PRKG1: variants seen among roughly 807,000 people sequenced by gnomAD.
The protein encoded by PRKG1 is protein kinase cGMP-dependent 1.
PRKG1 carries 35 observed loss-of-function variants against 88.1 expected under a neutral mutation model. The ratio of observed to expected loss-of-function variants is 0.40; its 90% CI spans 0.30 to 0.53. The LOEUF is 0.53. Ranked by LOEUF, PRKG1 falls within the 20% of genes least tolerant of loss-of-function variation. The probability of loss-of-function intolerance (pLI) is 0.59; values close to 1 mark genes in which losing one functional copy is unlikely to be tolerated. For synonymous variants in PRKG1, 303 were observed against 292.5 expected (o/e 1.04, Z -0.37); for missense variants, 540 against 839.8 (o/e 0.64, Z 4.41).
At chr10:51,189,439 A>G (rs1387956205) in intron 2 of PRKG1, among the ~76,000 whole-genome samples, 3 of 151,908 alleles carry the variant, frequency 2.0e-5, no homozygotes, top group Non-Finnish European at 4.4e-5. Flanking sequence ...ATTTTGCTTT[A>G]TGGTACTACA....
At chr10:52,072,017 G>A (rs1846507848) in intron 7 of PRKG1, among the ~76,000 whole-genome samples, 1 of 152,008 alleles carries the variant, frequency 6.6e-6, no homozygotes, top group African/African-American at 2.4e-5. Flanking sequence ...GAAGGACTCA[G>A]TCCCAGTCGC....
chr10:52,153,087 G>A (rs376072369), intron 8 of PRKG1, among the ~76,000 whole-genome samples: 9 of 152,282 alleles, frequency 5.9e-5, no homozygotes, highest in African/African-American at 2.2e-4. Context: ...GAGAGAGAAA[G>A]TGAGTGGTCT....
At chr10:51,547,043 G>A (rs1842458782) in intron 3 of PRKG1, among the ~76,000 whole-genome samples, 2 of 49,860 alleles carry the variant, frequency 4.0e-5, no homozygotes, top group Non-Finnish European at 1.2e-4. Context: ...TAGATATGTA[G>A]GTGTTGGCCT....
chr10:51,978,436 C>CTTTTT (rs34946662), intron 5 of PRKG1, among the ~76,000 whole-genome samples: 2 of 134,326 alleles, frequency 1.5e-5, no homozygotes, highest in African/African-American at 5.5e-5. Flanking sequence ...CATTCGGGCT[C>CTTTTT]TTTTTTTTTT....
chr10:51,072,653 GTC>G (rs771845603), upstream of PRKG1, among the ~76,000 whole-genome samples: 1 of 152,100 alleles, frequency 6.6e-6, no homozygotes, highest in Non-Finnish European at 1.5e-5. Context: ...ACTTCTGAAA[GTC>G]TGTGTTGGAA....
Position 52,298,040 on chromosome 10 carries a change from A to C in PRKG1, c.*4140A>C, listed in dbSNP as rs1842415839. On this transcript the variant is annotated 3_prime_UTR_variant, in exon 18 of 18. Coordinates refer to ENST00000373980, the MANE Select transcript of PRKG1 (RefSeq NM_006258.4). Reference sequence around the variant, plus strand: ...TTTCTGAGTAAAGGGACATTTCTTTAAGCATCATCTATCAAATTTATTTCA... The same window carrying C: ...TTTCTGAGTAAAGGGACATTTCTTTCAGCATCATCTATCAAATTTATTTCA... The C allele has an allele frequency of 6.6e-6, 1 of 152,098 alleles. No individual in the cohort carries two copies. Among genetic ancestry groups the C allele is most frequent in the Admixed American group, 6.6e-5 (1 of 15,246 alleles). The allele number at this position is 152,098 out of a possible 1,614,324, so 9.4% of individuals were successfully genotyped here. A position where few individuals can be genotyped will look rare whatever the true frequency, so the allele number is the denominator to read the frequency against.
At chr10:51,414,618 AT>A (rs886474578) in intron 2 of PRKG1, among the ~76,000 whole-genome samples, 27 of 152,192 alleles carry the variant, frequency 1.8e-4, no homozygotes, top group African/African-American at 6.5e-4. Flanking sequence ...TACATAAATT[AT>A]GTGGTTACAA....
chr10:51,388,461 T>G (rs1837308946), intron 2 of PRKG1, among the ~76,000 whole-genome samples: 1 of 152,190 alleles, frequency 6.6e-6, no homozygotes, highest in Admixed American at 6.5e-5. Flanking sequence ...TTTCTGTCCA[T>G]GATAAATATT....
chr10:51,570,031 A>G (rs1837705678), intron 3 of PRKG1, among the ~76,000 whole-genome samples: 2 of 147,598 alleles, frequency 1.4e-5, no homozygotes, highest in African/African-American at 2.6e-5. Flanking sequence ...TCTAATTCTG[A>G]TACAATCACC....
At chr10:51,961,447 A>G (rs1478001520) in intron 5 of PRKG1, among the ~76,000 whole-genome samples, 2 of 152,232 alleles carry the variant, frequency 1.3e-5, no homozygotes, top group East Asian at 3.8e-4. Flanking sequence ...GCTCGAGTCA[A>G]CTGTGCAAAG....
rs1840275684 is a variant in PRKG1 at position 51,478,876 on chromosome 10, C to T, written c.592+11040C>T. On this transcript the variant is annotated intron_variant, in intron 3 of 17. Coordinates refer to ENST00000373980, the MANE Select transcript of PRKG1 (RefSeq NM_006258.4). ...GTAGAATTTCTGAAATGCTAAATAT[C>T]TTCTGAAACTCAAATTTGAGTTGGA... Among the ~76,000 whole-genome samples, 3 of 151,590 alleles carry T rather than the reference C, an allele frequency of 2.0e-5. No homozygotes were observed. In the South Asian group the frequency reaches 6.3e-4, roughly 32 times the overall value.
Position 51,554,995 on chromosome 10 carries a change from T to C in PRKG1, c.592+87159T>C, listed in dbSNP as rs185604922. Among the ~76,000 whole-genome samples the C allele has an allele frequency of 2.2e-3, 337 of 152,076 alleles. 2 individuals are homozygous for C. The highest frequency in any genetic ancestry group is 7.7e-3 in the African/African-American group (321 of 41,542). On this transcript the variant is annotated intron_variant, in intron 3 of 17. Coordinates refer to ENST00000373980, the MANE Select transcript of PRKG1 (RefSeq NM_006258.4). ...ATGATAGCATTATTGTTAAACATGC[T>C]CTTTATGCAGCAAAGGTGTTTGTTA...
intron 9 of PRKG1, chr10:52,184,954 C>A (rs527626649): frequency 6.6e-6 from 1 of 152,186 alleles, no homozygotes; most frequent in Non-Finnish European, 1.5e-5. Flanking sequence ...GCTCCACCTC[C>A]GACACTGGGA....
chr10:51,496,382 A>G (rs1001051002), intron 3 of PRKG1, among the ~76,000 whole-genome samples: 3 of 152,180 alleles, frequency 2.0e-5, no homozygotes, highest in African/African-American at 7.2e-5. Context: ...GTTCTGAGTT[A>G]GACTGTGTTA....
At chr10:52,188,318 G>A (rs200688929) in intron 9 of PRKG1, among the ~76,000 whole-genome samples, 2,157 of 93,712 alleles carry the variant, frequency 0.023, 106 homozygotes, top group African/African-American at 0.11. Flanking sequence ...ATATACATAT[G>A]TATATATATA....
chr10:52,084,587 A>T (rs1846864405), intron 7 of PRKG1, among the ~76,000 whole-genome samples: 1 of 152,080 alleles, frequency 6.6e-6, no homozygotes. Flanking sequence ...TTTATAATAT[A>T]CAGATATATA....
intron 4 of PRKG1, among the ~76,000 whole-genome samples, chr10:51,887,579 C>T (rs10999944): frequency 0.42 from 63,245 of 152,070 alleles, 13,490 homozygotes; most frequent in East Asian, 0.62. Flanking sequence ...CCAACACTTA[C>T]CTTTTGTTTC....
At chr10:51,522,326 C>G (rs1247994050) in intron 3 of PRKG1, among the ~76,000 whole-genome samples, 1 of 152,180 alleles carries the variant, frequency 6.6e-6, no homozygotes, top group African/African-American at 2.4e-5. Flanking sequence ...CATAGGTATT[C>G]AGGCAGACCA....
rs186180138 is a variant in PRKG1, at chr10:51,829,935, T to C, written c.698+25245T>C. 3.0e-3 allele frequency among the ~76,000 whole-genome samples: 460 copies of C among 152,286 alleles called. 4 individuals carry two copies. The highest frequency in any genetic ancestry group is 0.011 in the African/African-American group (439 of 41,566). On this transcript the variant is annotated intron_variant, in intron 4 of 17. Coordinates refer to ENST00000373980, the MANE Select transcript of PRKG1 (RefSeq NM_006258.4). ...TCAAATTGGTAAGAGCTGTTCAAAA[T>C]GTTATGGTAAAAACAAAAACAAAAA...
Sources: gnomAD v4.1 joint callset for allele counts (sites outside exome capture counted in the v4.1 genomes callset) on GRCh38, gnomAD v4.1.1 for gene constraint, MANE v1.5 for transcripts, NCBI Gene and HGNC (gene_info 2026-07-23, HGNC 2026-07-21) for gene names.